Variants in TCF7L1 observed in about 807,000 individuals in gnomAD.
TCF7L1 encodes the protein transcription factor 7 like 1, also known as transcription factor 7-like 1.
A neutral mutation model predicts 63.7 loss-of-function variants in TCF7L1; 18 were observed. The observed-to-expected ratio is 0.28, with a 90% confidence interval of 0.20 to 0.42. The LOEUF (loss-of-function observed/expected upper bound fraction) is 0.42, where lower values mean the gene tolerates loss of function less well. TCF7L1 is among the 10% of genes least tolerant of loss of function. TCF7L1 has a pLI of 1.00. For synonymous variants in TCF7L1, 355 were observed against 340.9 expected, an observed-to-expected ratio of 1.04 and a Z score of -0.46; for missense variants, 654 against 779.3, an observed-to-expected ratio of 0.84 and a Z score of 1.91.
At chr2:85,180,436 C>A (rs1375586206) in intron 3 of TCF7L1, among the ~76,000 whole-genome samples, 1 of 151,918 alleles carries the variant, frequency 6.6e-6, no homozygotes, top group Non-Finnish European at 1.5e-5. Flanking sequence ...CCTGCCTGAC[C>A]CTCAGCCATC....
intron 3 of TCF7L1, among the ~76,000 whole-genome samples, chr2:85,147,457 G>T (rs544753877): frequency 1.3e-5 from 2 of 152,146 alleles, no homozygotes; most frequent in Non-Finnish European, 2.9e-5. Flanking sequence ...CCTAGATGAG[G>T]GCAGTGGTAG....
intron 3 of TCF7L1, among the ~76,000 whole-genome samples, chr2:85,273,074 G>A (rs1681188772): frequency 6.6e-6 from 1 of 152,200 alleles, no homozygotes; most frequent in Non-Finnish European, 1.5e-5. Context: ...CATGTAAGCA[G>A]CCTGTGTACA....
intron 3 of TCF7L1, among the ~76,000 whole-genome samples, chr2:85,231,297 G>A (rs1680072781): frequency 1.3e-5 from 2 of 152,150 alleles, no homozygotes; most frequent in African/African-American, 4.8e-5. Flanking sequence ...TTGAAACTGG[G>A]CTTTTCACTC....
At chr2:85,267,800 A>G (rs1300253556) in intron 3 of TCF7L1, among the ~76,000 whole-genome samples, 1 of 152,214 alleles carries the variant, frequency 6.6e-6, no homozygotes, top group Non-Finnish European at 1.5e-5. Context: ...GAAATAACAC[A>G]TGGAGTATCT....
Position 85,201,342 on chromosome 2 carries a change from G to A in TCF7L1, c.441+66892G>A, listed in dbSNP as rs72840134. Among the ~76,000 whole-genome samples the A allele has an allele frequency of 2.5e-3, 382 of 152,292 alleles. 2 individuals carry two copies. Among genetic ancestry groups the A allele is most frequent in the Non-Finnish European group, 4.4e-3 (301 of 68,034 alleles). On this transcript the variant is annotated intron_variant, in intron 3 of 11. Coordinates refer to ENST00000282111, the MANE Select transcript of TCF7L1 (RefSeq NM_031283.3). Reference sequence around the variant, plus strand: ...AAATGGTGCCATGTACAGTCTGTGTGTGCAAAAGTTTTGATAAATTTTAAT... The same window carrying A: ...AAATGGTGCCATGTACAGTCTGTGTATGCAAAAGTTTTGATAAATTTTAAT...
At position 85,305,305 on chromosome 2, in the gene TCF7L1, C is replaced by T; in HGVS notation, c.891C>T (p.His297=). ...CTCCTCACATGGTGGCTCCTGCCCACCCTGGCCTGCCCACCTCAGGGATCC... is the reference window on the plus strand; with the variant it reads ...CTCCTCACATGGTGGCTCCTGCCCATCCTGGCCTGCCCACCTCAGGGATCC... The part of the protein sequence containing the change: ...RFSPHMVAPA[H]PGLPTSGIPH... The change falls in exon 8 of 12, where the codon CAC becomes CAT. Residue 297 remains histidine, a synonymous_variant. Transcript: ENST00000282111. 6.2e-7 allele frequency: 1 copy of T among 1,614,020 alleles called. No individual in the cohort carries two copies. Among genetic ancestry groups the T allele is most frequent in the Non-Finnish European group, 8.5e-7 (1 of 1,180,008 alleles).
At chr2:85,303,866 CA>C (rs1682041644) in intron 5 of TCF7L1, 28 bp from the exon 6 acceptor site, 1 of 1,536,410 alleles carries the variant, frequency 6.5e-7, no homozygotes, top group African/African-American at 1.4e-5. Context: ...GGCGAGGGAA[CA>C]GTCTGACATA....
chr2:85,270,773 T>C (rs962778302), intron 3 of TCF7L1, among the ~76,000 whole-genome samples: 6 of 152,002 alleles, frequency 3.9e-5, no homozygotes, highest in African/African-American at 1.5e-4. Context: ...CACTGCAGCC[T>C]CGAGCTCGAG....
chr2:85,297,955 T>A (rs1024654325), intron 4 of TCF7L1, among the ~76,000 whole-genome samples: 5 of 151,276 alleles, frequency 3.3e-5, no homozygotes, highest in Admixed American at 3.3e-4. Context: ...TAATATTTTT[T>A]ATTTTATTTT....
In TCF7L1 at chr2:85,308,459, CT is replaced by C. The variant is rs1558663558; in HGVS notation, c.1334-569del. Among the ~76,000 whole-genome samples, 17 of 29,278 alleles carry C rather than the reference CT, an allele frequency of 5.8e-4. 1 individual carries two copies. The highest frequency in any genetic ancestry group is 2.1e-3 in the East Asian group (2 of 972). 19.2% of individuals were successfully genotyped at this position (29,278 alleles called of 152,430 possible). On this transcript the variant is annotated intron_variant, in intron 11 of 11. Coordinates refer to ENST00000282111, the MANE Select transcript of TCF7L1 (RefSeq NM_031283.3). Reference sequence around the variant, plus strand: ...TCCCTCCCTTTCTCTTTCCCTCCCTCTCTTTCCCTCCCTCTCCCCCTCCTTC... The same window carrying C: ...TCCCTCCCTTTCTCTTTCCCTCCCTCCTTTCCCTCCCTCTCCCCCTCCTTC...
Position 85,177,726 on chromosome 2 carries a change from T to C in TCF7L1, c.441+43276T>C, listed in dbSNP as rs943420902. Among the ~76,000 whole-genome samples the C allele has an allele frequency of 2.0e-5, 3 of 151,966 alleles. No individual in the cohort carries two copies. In the South Asian group the frequency reaches 6.2e-4, roughly 32 times the overall value. On this transcript the variant is annotated intron_variant, in intron 3 of 11. Coordinates refer to ENST00000282111, the MANE Select transcript of TCF7L1 (RefSeq NM_031283.3). ...TCTCTAAAAAATAAAAATAAAAAAA[T>C]GAAAAAAGGGAAAAGACGATTATAA...
intron 3 of TCF7L1, among the ~76,000 whole-genome samples, chr2:85,160,808 G>T (rs943707843): frequency 6.6e-6 from 1 of 152,090 alleles, no homozygotes; most frequent in East Asian, 1.9e-4. Context: ...GCCTAGATGC[G>T]CCACTGCACT....
Position 85,251,906 on chromosome 2 carries a change from A to T in TCF7L1, c.442-31589A>T, listed in dbSNP as rs560972565. On this transcript the variant is annotated intron_variant, in intron 3 of 11. Coordinates refer to ENST00000282111, the MANE Select transcript of TCF7L1 (RefSeq NM_031283.3). ...CTGGGTAACACAGCAAAACCCCATC[A>T]CTACAAACGATACAAAAAATTAGCC... is the stretch of plus-strand genomic sequence containing the variant. 1.5e-3 allele frequency among the ~76,000 whole-genome samples: 226 copies of T among 152,138 alleles called. 3 individuals are homozygous for T. The highest frequency in any genetic ancestry group is 2.6e-4 in the Non-Finnish European group (18 of 67,984).
chr2:85,156,661 T>C (rs116216998), intron 3 of TCF7L1, among the ~76,000 whole-genome samples: 2,211 of 152,316 alleles, frequency 0.015, 42 homozygotes, highest in African/African-American at 0.047. Flanking sequence ...CCCTGTAAAG[T>C]TTCCATGAGC....
chr2:85,245,654 A>G (rs558913237), intron 3 of TCF7L1, among the ~76,000 whole-genome samples: 2 of 152,156 alleles, frequency 1.3e-5, no homozygotes, highest in African/African-American at 4.8e-5. Flanking sequence ...CTACTAAAAA[A>G]AATACAAAAA....
intron 11 of TCF7L1, among the ~76,000 whole-genome samples, chr2:85,308,488 TC>T (rs1682192236): frequency 2.8e-5 from 1 of 36,100 alleles, no homozygotes; most frequent in African/African-American, 1.2e-4. Context: ...CCTCCTTCCC[TC>T]CCTTCCCCCC....
At chr2:85,245,892 G>A (rs1427985306) in intron 3 of TCF7L1, among the ~76,000 whole-genome samples, 2 of 151,758 alleles carry the variant, frequency 1.3e-5, no homozygotes, top group Admixed American at 1.3e-4. Flanking sequence ...TTGTCAGATG[G>A]AAACAGTTAA....
intron 3 of TCF7L1, among the ~76,000 whole-genome samples, chr2:85,174,165 C>G (rs1678623282): frequency 6.6e-6 from 1 of 152,088 alleles, no homozygotes; most frequent in Non-Finnish European, 1.5e-5. Flanking sequence ...CTCCTCTCCC[C>G]CAACCTTTGG....
rs919685263 is a variant in TCF7L1, at chr2:85,229,899, A to G, written c.442-53596A>G. Among the ~76,000 whole-genome samples, 4 of 152,116 alleles carry G rather than the reference A, an allele frequency of 2.6e-5. No individual in the cohort carries two copies. In the East Asian group the frequency reaches 7.7e-4, roughly 29 times the overall value. On this transcript the variant is annotated intron_variant, in intron 3 of 11. Transcript: ENST00000282111. The stretch of plus-strand genomic sequence containing the variant: ...GGCACAGGCCTAGAGTCCCAGCTAC[A>G]TGGGCTGCTGCGGCAGGAGGATCGC...
Sources: gnomAD v4.1 joint callset for allele counts (sites outside exome capture counted in the v4.1 genomes callset) on GRCh38, gnomAD v4.1.1 for gene constraint, MANE v1.5 for transcripts, NCBI Gene and HGNC (gene_info 2026-07-23, HGNC 2026-07-21) for gene names.